The following LIMK2 variants were observed in gnomAD, a reference collection of about 807,000 sequenced individuals.
The protein encoded by LIMK2 is LIM domain kinase 2.
LIMK2 carries 35 observed loss-of-function variants against 75.7 expected under a neutral mutation model. The ratio of observed to expected loss-of-function variants is 0.46; its 90% CI spans 0.35 to 0.61. The LOEUF is 0.61. Ranked by LOEUF, LIMK2 falls within the 20% of genes least tolerant of loss-of-function variation. The pLI is 0.00. For synonymous variants in LIMK2, 301 were observed against 319.2 expected (o/e 0.94, Z 0.61); for missense variants, 623 against 831.0 (o/e 0.75, Z 3.08).
intron 2 of LIMK2, among the ~76,000 whole-genome samples, chr22:31,237,315 G>C (rs1256676626): frequency 4.0e-5 from 6 of 151,210 alleles, no homozygotes; most frequent in Admixed American, 1.3e-4. Context: ...TGTAATCCCA[G>C]CACTTTGGGA....
Position 31,273,453 on chromosome 22 carries a change from A to C in LIMK2, c.1560A>C (p.Gly520=), listed in dbSNP as rs1317812657. ...PYWMAPEMLN[G]KSYDETVDIF... ...GTGTGCTCTCCTGTGTTCCCCAAGGAAAGAGCTATGATGAGACGGTGGATA... is the reference window on the plus strand; with the variant it reads ...GTGTGCTCTCCTGTGTTCCCCAAGGCAAGAGCTATGATGAGACGGTGGATA... Residue 520 remains glycine, a splice_region_variant and synonymous_variant, in exon 14 of 16, where the codon GGA becomes GGC. Coordinates refer to ENST00000331728, the MANE Select transcript of LIMK2 (RefSeq NM_005569.4). 1 of 1,613,586 alleles carries C rather than the reference A, an allele frequency of 6.2e-7. No homozygotes were observed. Among genetic ancestry groups the C allele is most frequent in the East Asian group, 2.2e-5 (1 of 44,854 alleles).
At chr22:31,245,119 T>A (rs1459850881) in intron 2 of LIMK2, among the ~76,000 whole-genome samples, 1 of 152,192 alleles carries the variant, frequency 6.6e-6, no homozygotes, top group East Asian at 1.9e-4. Flanking sequence ...TGGCTGCCTC[T>A]GGGGCTAGAG....
chr22:31,260,494 T>G (rs1194223585), intron 5 of LIMK2, among the ~76,000 whole-genome samples: 3 of 152,240 alleles, frequency 2.0e-5, no homozygotes, highest in African/African-American at 7.2e-5. Flanking sequence ...ATTATTATTT[T>G]GTCAGTCGAG....
At chr22:31,242,335 G>GCAAAAAGGAAAAA (rs2048629846) in intron 2 of LIMK2, among the ~76,000 whole-genome samples, 1 of 152,180 alleles carries the variant, frequency 6.6e-6, no homozygotes, top group African/African-American at 2.4e-5. Context: ...AGGATCATAA[G>GCAAAAAGGAAAAA]GCTTCCTTTT....
intron 2 of LIMK2, among the ~76,000 whole-genome samples, chr22:31,255,860 A>C (rs2048772881): frequency 6.6e-6 from 1 of 152,048 alleles, no homozygotes; most frequent in African/African-American, 2.4e-5. Context: ...AATGAGAGAA[A>C]GCTACTAAGA....
rs577292386 is a variant in LIMK2, at chr22:31,258,643, G to A, written c.252+217G>A. On this transcript the variant is annotated intron_variant, in intron 3 of 15. Transcript: ENST00000331728. ...ACTTAATAGTTGAACGTTGGGAGTGGGAGGAGAGGCAGGCAGAGAGGAGAC... is the reference window on the plus strand; with the variant it reads ...ACTTAATAGTTGAACGTTGGGAGTGAGAGGAGAGGCAGGCAGAGAGGAGAC... The A allele has an allele frequency of 5.1e-4, 268 of 527,600 alleles. 2 individuals are homozygous for A. Among genetic ancestry groups the A allele is most frequent in the South Asian group, 2.4e-3 (88 of 37,022 alleles). The allele number at this position is 527,600 out of a possible 1,614,324, so 32.7% of individuals were successfully genotyped here.
In LIMK2 at chr22:31,267,485, T is replaced by C. The variant is rs947602343; in HGVS notation, c.1129-291T>C. On this transcript the variant is annotated intron_variant, in intron 9 of 15. Transcript: ENST00000331728. The stretch of plus-strand genomic sequence containing the variant: ...TCACTACCCCTCCCAAGTTACTTCA[T>C]GGAGTAACTTAAGTTGGGGACACCT... Among the ~76,000 whole-genome samples, 104 of 152,274 alleles carry C rather than the reference T, an allele frequency of 6.8e-4. 1 individual carries two copies. Among genetic ancestry groups the C allele is most frequent in the Middle Eastern group, 3.4e-3 (1 of 294 alleles).
intron 15 of LIMK2, chr22:31,275,600 T>C: frequency 8.3e-6 from 3 of 363,350 alleles, no homozygotes; most frequent in South Asian, 9.1e-5. Context: ...TATTCATCTT[T>C]CGATATTCCC....
chr22:31,273,276 C>T (rs1362719149), intron 13 of LIMK2, among the ~76,000 whole-genome samples, 176 bp from the exon 14 acceptor site: 3 of 152,166 alleles, frequency 2.0e-5, no homozygotes, highest in African/African-American at 7.2e-5. Flanking sequence ...AGGCAGTTCA[C>T]CTACAGCTGA....
chr22:31,225,787 T>C lies in LIMK2; in HGVS notation c.84T>C (p.Thr28=). The change falls in exon 2 of 16, where the codon ACT becomes ACC. Residue 28 remains threonine (T), a synonymous_variant. Transcript: ENST00000331728. ...HIAPSQIWYR[T]VNETWHGSCF... is the part of the protein sequence containing the mutation. ...CTCCAAGCCAGATATGGTACAGGAC[T>C]GTCAACGAAACCTGGCACGGCTCTT... The C allele has an allele frequency of 4.3e-6, 7 of 1,613,986 alleles. No homozygotes were observed. The highest frequency in any genetic ancestry group is 1.6e-4 in the Middle Eastern group (1 of 6,062).
intron 13 of LIMK2, 145 bp from the exon 14 acceptor site, chr22:31,273,307 G>A (rs1016602108): frequency 1.9e-5 from 13 of 699,048 alleles, no homozygotes; most frequent in African/African-American, 1.8e-4. Flanking sequence ...TTTTCAGGTG[G>A]TGTCTGCGCA....
intron 2 of LIMK2, chr22:31,248,677 G>A (rs754848755): frequency 5.0e-6 from 8 of 1,613,936 alleles, no homozygotes; most frequent in African/African-American, 2.7e-5. Flanking sequence ...AGTCACAGAC[G>A]GATTTGCAGC....
intron 7 of LIMK2, among the ~76,000 whole-genome samples, chr22:31,263,357 G>A (rs1275695460): frequency 6.6e-6 from 1 of 152,140 alleles, no homozygotes; most frequent in African/African-American, 2.4e-5. Context: ...GCTTCAGGCT[G>A]AGCTCCTCCC....
Position 31,278,444 on chromosome 22 carries a change from C to A in LIMK2, c.*3C>A. The A allele has an allele frequency of 6.2e-7, 1 of 1,604,832 alleles. No individual in the cohort carries two copies. The highest frequency in any genetic ancestry group is 8.5e-7 in the Non-Finnish European group (1 of 1,175,432). On this transcript the variant is annotated 3_prime_UTR_variant, in exon 16 of 16. Coordinates refer to ENST00000331728, the MANE Select transcript of LIMK2 (RefSeq NM_005569.4). ...TGACCCGGGACTCACCTCCCTAGCC[C>A]TGGCCCAGCCCCCTGCAGGGGGGTG...
chr22:31,220,790 C>G (rs1292780431), intron 1 of LIMK2, among the ~76,000 whole-genome samples: 1 of 152,148 alleles, frequency 6.6e-6, no homozygotes, highest in African/African-American at 2.4e-5. Context: ...TGGAGAAACT[C>G]CGTCTCTACT....
At chr22:31,248,854 C>A in intron 2 of LIMK2, 1 of 1,421,864 alleles carries the variant, frequency 7.0e-7, no homozygotes, top group Non-Finnish European at 9.9e-7. Flanking sequence ...CTCCTTCTCA[C>A]TTAGTCCTTT....
At chr22:31,248,862 T>A in intron 2 of LIMK2, 3 of 1,354,220 alleles carry the variant, frequency 2.2e-6, no homozygotes, top group Non-Finnish European at 3.2e-6. Flanking sequence ...CACTTAGTCC[T>A]TTACCATCGG....
intron 2 of LIMK2, among the ~76,000 whole-genome samples, chr22:31,233,423 C>T (rs1177571424): frequency 6.6e-6 from 1 of 152,192 alleles, no homozygotes; most frequent in Non-Finnish European, 1.5e-5. Context: ...TTTTCTCTTA[C>T]CTCTCTGGTA....
At chr22:31,258,839 T>G in intron 3 of LIMK2, 1 of 431,028 alleles carries the variant, frequency 2.3e-6, no homozygotes, top group Non-Finnish European at 4.3e-6. Flanking sequence ...GTGACAGACT[T>G]GCCAACCCTG....
Sources: allele counts gnomAD v4.1 joint callset (sites outside exome capture counted in the v4.1 genomes callset), GRCh38; gene constraint gnomAD v4.1.1; transcripts MANE v1.5; gene names NCBI Gene and HGNC (gene_info 2026-07-23, HGNC 2026-07-21).